The following MAPK10 variants were observed in gnomAD, a reference collection of about 807,000 sequenced individuals.
The protein encoded by MAPK10 is mitogen-activated protein kinase 10.
MAPK10 carries 25 observed loss-of-function variants against 59.3 expected under a neutral mutation model. The observed-to-expected ratio is 0.42, with a 90% CI of 0.31 to 0.59. The LOEUF (loss-of-function observed/expected upper bound fraction) is 0.59. Among genes scored for constraint, MAPK10 ranks in the 20% least tolerant of loss-of-function variants. MAPK10 has a pLI of 0.15. For missense variants in MAPK10, 351 were observed against 568.9 expected, an observed-to-expected ratio of 0.62 and a Z score of 3.90; for synonymous variants, 190 against 200.5, an observed-to-expected ratio of 0.95 and a Z score of 0.44.
intron 1 of MAPK10, among the ~76,000 whole-genome samples, chr4:86,573,246 C>T (rs547182990): frequency 2.4e-4 from 36 of 152,236 alleles, no homozygotes; most frequent in East Asian, 5.8e-4. Context: ...CAATTTATAT[C>T]GCTTTAGGTT....
intron 2 of MAPK10, among the ~76,000 whole-genome samples, chr4:86,221,849 T>C (rs1483853307): frequency 6.6e-6 from 1 of 151,834 alleles, no homozygotes; most frequent in East Asian, 1.9e-4. Context: ...TGGTGGGAGG[T>C]GATTGGAACA....
At chr4:86,399,126 T>C (rs1317652686) in intron 1 of MAPK10, among the ~76,000 whole-genome samples, 2 of 152,234 alleles carry the variant, frequency 1.3e-5, no homozygotes, top group Admixed American at 1.3e-4. Flanking sequence ...TATCCAGTAA[T>C]GGGATTGCTG....
intron 1 of MAPK10, among the ~76,000 whole-genome samples, chr4:86,391,984 A>G (rs1026346158): frequency 2.0e-5 from 3 of 152,178 alleles, no homozygotes; most frequent in Admixed American, 6.5e-5. Flanking sequence ...TATTAGACCT[A>G]TAAGTCAGGC....
chr4:86,256,026 G>A (rs1467879159), intron 2 of MAPK10, among the ~76,000 whole-genome samples: 1 of 152,182 alleles, frequency 6.6e-6, no homozygotes, highest in African/African-American at 2.4e-5. Flanking sequence ...GCAGGTGTCA[G>A]ACAGGTACAG....
chr4:86,463,795 C>T (rs969048683), intron 1 of MAPK10, among the ~76,000 whole-genome samples: 1 of 152,142 alleles, frequency 6.6e-6, no homozygotes, highest in African/African-American at 2.4e-5. Flanking sequence ...TCTCCCTAGC[C>T]TTGGCAATTA....
chr4:86,028,961 T>C (rs1174053600), intron 13 of MAPK10: 1 of 549,198 alleles, frequency 1.8e-6, no homozygotes, highest in African/African-American at 1.9e-5. Flanking sequence ...GATTCATTAC[T>C]ATTAAAATTA....
At chr4:86,536,943 A>G (rs1758288524) in intron 1 of MAPK10, among the ~76,000 whole-genome samples, 1 of 152,150 alleles carries the variant, frequency 6.6e-6, no homozygotes, top group South Asian at 2.1e-4. Flanking sequence ...AGGATAGGGA[A>G]AGCCATGGTG....
intron 1 of MAPK10, among the ~76,000 whole-genome samples, chr4:86,511,710 G>C (rs1278961465): frequency 6.7e-6 from 1 of 150,004 alleles, no homozygotes; most frequent in African/African-American, 2.5e-5. Context: ...AGGAGGAGGA[G>C]GAGGAGGAGC....
intron 1 of MAPK10, among the ~76,000 whole-genome samples, chr4:86,581,469 C>T (rs560063984): frequency 6.6e-6 from 1 of 152,044 alleles, no homozygotes; most frequent in East Asian, 1.9e-4. Flanking sequence ...TATATTAGTG[C>T]TGTAATAAAA....
rs1303947075 is a variant in MAPK10, at chr4:86,196,031, G to A, written c.-6-1624C>T. ...GTGAACAGTGCTGCAATAAACATAA[G>A]TGTGCATATGTCTTTATAGAAGAAT... On this transcript the variant is annotated intron_variant, in intron 2 of 13. Coordinates refer to ENST00000641462, the MANE Select transcript of MAPK10 (RefSeq NM_138982.4). Among the ~76,000 whole-genome samples the A allele has an allele frequency of 2.0e-5, 3 of 152,184 alleles. No homozygotes were observed. In the East Asian group the frequency reaches 5.8e-4, roughly 29 times the overall value.
chr4:86,145,985 T>C (rs917568364), intron 4 of MAPK10, among the ~76,000 whole-genome samples: 3 of 152,078 alleles, frequency 2.0e-5, no homozygotes, highest in Admixed American at 1.3e-4. Context: ...GAAAATACAG[T>C]TGAAAAACTA....
At chr4:86,253,492 A>G (rs1475857912) in intron 2 of MAPK10, among the ~76,000 whole-genome samples, 5 of 98,432 alleles carry the variant, frequency 5.1e-5, no homozygotes, top group Non-Finnish European at 7.4e-5. Flanking sequence ...ATTTGCGTAT[A>G]TTGAACCAGC....
intron 3 of MAPK10, among the ~76,000 whole-genome samples, chr4:86,187,658 TAATC>T (rs1243336054): frequency 1.3e-5 from 2 of 152,146 alleles, no homozygotes; most frequent in African/African-American, 4.8e-5. Flanking sequence ...AGTGTAAATA[TAATC>T]AAAGAAGAAA....
At chr4:86,523,936 A>T (rs1757294831) in intron 1 of MAPK10, among the ~76,000 whole-genome samples, 1 of 152,180 alleles carries the variant, frequency 6.6e-6, no homozygotes, top group African/African-American at 2.4e-5. Flanking sequence ...GGTGGGGCCT[A>T]ATGGGAGGTG....
At chr4:86,249,486 T>C (rs2093305548) in intron 2 of MAPK10, among the ~76,000 whole-genome samples, 1 of 152,140 alleles carries the variant, frequency 6.6e-6, no homozygotes, top group African/African-American at 2.4e-5. Flanking sequence ...GCCAGCAGAC[T>C]TCCACTTGGG....
intron 4 of MAPK10, among the ~76,000 whole-genome samples, chr4:86,143,681 C>A (rs1279018210): frequency 6.6e-6 from 1 of 152,142 alleles, no homozygotes; most frequent in Non-Finnish European, 1.5e-5. Context: ...GCATACAACA[C>A]AGTATCTGGA....
intron 1 of MAPK10, among the ~76,000 whole-genome samples, chr4:86,371,118 C>T (rs1738687534): frequency 6.6e-6 from 1 of 152,214 alleles, no homozygotes; most frequent in Admixed American, 6.5e-5. Flanking sequence ...ATAGGATTCA[C>T]TGCTAAAGTC....
intron 2 of MAPK10, among the ~76,000 whole-genome samples, chr4:86,324,526 T>A (rs2095977594): frequency 6.6e-6 from 1 of 152,102 alleles, no homozygotes; most frequent in Non-Finnish European, 1.5e-5. Flanking sequence ...TAAGCAGAGG[T>A]ATGATTAGAG....
intron 9 of MAPK10, among the ~76,000 whole-genome samples, chr4:86,074,418 G>C (rs1414772742): frequency 1.3e-5 from 2 of 150,942 alleles, no homozygotes; most frequent in African/African-American, 4.9e-5. Flanking sequence ...TGTTATGTGT[G>C]AATTTGATTC....
Sources: gnomAD v4.1 joint callset for allele counts (sites outside exome capture counted in the v4.1 genomes callset) on GRCh38, gnomAD v4.1.1 for gene constraint, MANE v1.5 for transcripts, NCBI Gene and HGNC (gene_info 2026-07-23, HGNC 2026-07-21) for gene names.